The following GREB1L variants were observed in gnomAD, a reference collection of about 807,000 sequenced individuals.
The protein encoded by GREB1L is GREB1 like retinoic acid receptor coactivator.
A neutral mutation model predicts 200.8 loss-of-function variants in GREB1L; 17 were observed. The ratio of observed to expected loss-of-function variants is 0.08; its 90% CI spans 0.06 to 0.13. GREB1L has a LOEUF of 0.13. Ranked by LOEUF, GREB1L falls within the 10% of genes least tolerant of loss-of-function variation. The pLI is 1.00. For missense variants in GREB1L, 1,657 were observed against 2,367.7 expected, an observed-to-expected ratio of 0.70 and a Z score of 6.23; for synonymous variants, 789 against 893.0, an observed-to-expected ratio of 0.88 and a Z score of 2.08.
At chr18:21,424,777 T>TC (rs1216558438) in intron 7 of GREB1L, among the ~76,000 whole-genome samples, 1 of 152,180 alleles carries the variant, frequency 6.6e-6, no homozygotes, top group Non-Finnish European at 1.5e-5. Context: ...TTTTCATCAC[T>TC]CCAAGGAAAA....
chr18:21,493,631 C>G (rs2036426174), intron 19 of GREB1L, among the ~76,000 whole-genome samples: 1 of 152,058 alleles, frequency 6.6e-6, no homozygotes, highest in Non-Finnish European at 1.5e-5. Flanking sequence ...CTTTGGGAGA[C>G]TGAGGCGGGC....
chr18:21,404,347 G>A (rs2029920831), intron 7 of GREB1L, among the ~76,000 whole-genome samples: 1 of 152,166 alleles, frequency 6.6e-6, no homozygotes, highest in South Asian at 2.1e-4. Flanking sequence ...GGAGTTCCAG[G>A]GTAGGGCTCT....
intron 1 of GREB1L, among the ~76,000 whole-genome samples, chr18:21,268,550 CACACACACACATATATATATAT>C (rs1249541202): frequency 1.7e-4 from 17 of 99,172 alleles, no homozygotes; most frequent in Admixed American, 8.9e-4. Flanking sequence ...CACACACACA[CACACACACACATATATATATAT>C]ATATATATAT....
chr18:21,525,807 A>ACTT lies in GREB1L; in HGVS notation c.*2987_*2989dup, dbSNP rs1267788525. On this transcript the variant is annotated 3_prime_UTR_variant, in exon 33 of 33. Coordinates refer to ENST00000424526, the MANE Select transcript of GREB1L (RefSeq NM_001142966.3). The stretch of plus-strand genomic sequence containing the variant: ...ATTTTACCAACTTTTGAGAATAACA[A>ACTT]CTTTGTTGTCCCAGAAAAATGGCTT... Among the ~76,000 whole-genome samples the ACTT allele has an allele frequency of 3.9e-5, 6 of 152,192 alleles. No individual in the cohort carries two copies. The highest frequency in any genetic ancestry group is 1.4e-4 in the African/African-American group (6 of 41,454).
intron 7 of GREB1L, among the ~76,000 whole-genome samples, chr18:21,429,832 G>A (rs2032999436): frequency 6.6e-6 from 1 of 151,958 alleles, no homozygotes; most frequent in Admixed American, 6.6e-5. Context: ...CTAATTTGAT[G>A]GCTATATTAG....
At chr18:21,507,612 G>C (rs1280716423) in intron 25 of GREB1L, among the ~76,000 whole-genome samples, 1 of 152,220 alleles carries the variant, frequency 6.6e-6, no homozygotes, top group Non-Finnish European at 1.5e-5. Context: ...TGAAACCAGA[G>C]TTCTGGGCTA....
intron 30 of GREB1L, among the ~76,000 whole-genome samples, chr18:21,517,790 G>A (rs965964017): frequency 6.6e-6 from 1 of 152,058 alleles, no homozygotes; most frequent in African/African-American, 2.4e-5. Context: ...TGTTAAATGT[G>A]GTAACTTTCA....
chr18:21,424,835 C>G (rs576127857), intron 7 of GREB1L, among the ~76,000 whole-genome samples: 2 of 152,158 alleles, frequency 1.3e-5, no homozygotes, highest in Non-Finnish European at 2.9e-5. Context: ...CTTTCCTCAG[C>G]CCCTGGCAAC....
intron 17 of GREB1L, among the ~76,000 whole-genome samples, chr18:21,480,365 G>T (rs1335087815): frequency 2.6e-5 from 4 of 151,914 alleles, no homozygotes; most frequent in African/African-American, 9.7e-5. Context: ...ACAAAAAGAG[G>T]GGAGGGGCTT....
chr18:21,317,552 A>G (rs4800594), intron 1 of GREB1L: 30,077 of 151,666 alleles, frequency 0.2, 7,092 homozygotes, highest in African/African-American at 0.57. Flanking sequence ...GTAGTGAGCC[A>G]AGATTGCACC....
At chr18:21,505,700 A>C in intron 24 of GREB1L, 110 bp from the exon 25 acceptor site, 1 of 1,408,884 alleles carries the variant, frequency 7.1e-7, no homozygotes, top group Non-Finnish European at 9.6e-7. Flanking sequence ...CTTAGGGCAT[A>C]AATTACAGAA....
At chr18:21,283,007 A>G (rs1446340097) in intron 1 of GREB1L, among the ~76,000 whole-genome samples, 8 of 152,210 alleles carry the variant, frequency 5.3e-5, no homozygotes, top group Admixed American at 3.9e-4. Context: ...CAAAATTTCT[A>G]CTGCCAAAAA....
At position 21,441,509 on chromosome 18, in the gene GREB1L, C is replaced by T; in HGVS notation, c.1179C>T (p.Asn393=). The change falls in exon 10 of 33, where the codon AAC becomes AAT. Residue 393 remains asparagine, a synonymous_variant. Coordinates refer to ENST00000424526, the MANE Select transcript of GREB1L (RefSeq NM_001142966.3). ...TTGTTCCTGAAAACCTGCTGAGTAACTCAGGAGTTAGACCAGTAATTCTGA... is the reference window on the plus strand; with the variant it reads ...TTGTTCCTGAAAACCTGCTGAGTAATTCAGGAGTTAGACCAGTAATTCTGA... ...TVIVPENLLS[N]SGVRPVILIG... 2 of 1,551,516 alleles carry T rather than the reference C, an allele frequency of 1.3e-6. No homozygotes were observed. Among genetic ancestry groups the T allele is most frequent in the Non-Finnish European group, 1.7e-6 (2 of 1,146,746 alleles).
intron 15 of GREB1L, among the ~76,000 whole-genome samples, chr18:21,468,450 A>G (rs557896032): frequency 6.6e-6 from 1 of 152,294 alleles, no homozygotes; most frequent in African/African-American, 2.4e-5. Context: ...ATGTTTTAAA[A>G]TTGTGGTGAC....
chr18:21,372,794 G>C (rs1335677311), intron 2 of GREB1L, among the ~76,000 whole-genome samples: 1 of 152,102 alleles, frequency 6.6e-6, no homozygotes, highest in Non-Finnish European at 1.5e-5. Flanking sequence ...GATGGCGGGC[G>C]CCTGTAATCC....
At chr18:21,480,111 G>T (rs1400503500) in intron 17 of GREB1L, among the ~76,000 whole-genome samples, 1 of 152,314 alleles carries the variant, frequency 6.6e-6, no homozygotes, top group East Asian at 1.9e-4. Context: ...AGCACTCTGG[G>T]AGGCTGAGAT....
At chr18:21,388,706 C>T in intron 4 of GREB1L, among the ~76,000 whole-genome samples, 1 of 151,546 alleles carries the variant, frequency 6.6e-6, no homozygotes. Flanking sequence ...CACCACGCCC[C>T]GCTAATTTTT....
Position 21,449,734 on chromosome 18 carries a change from A to G in GREB1L, c.1618A>G (p.Arg540Gly), listed in dbSNP as rs1023136460. Residue 540 changes from arginine to glycine, a missense_variant, in exon 12 of 33, where the codon AGG (arginine) becomes GGG (glycine). Physicochemically the swap from Arg to Gly is moderately radical, Grantham distance 125. Around this residue, in one of 9 missense-constraint regions of GREB1L, gnomAD observed 239 missense variants for 421.8 expected, o/e 0.57. Transcript: ENST00000424526. ...SLAEGISETLRTLSEMRHYQR... is the reference protein window; with the variant it reads ...SLAEGISETLGTLSEMRHYQR... Reference sequence around the variant, plus strand: ...GGCGGAGGGCATTTCAGAGACCTTAAGGACTCTCAGTGAAATGAGACACTA... The same window carrying G: ...GGCGGAGGGCATTTCAGAGACCTTAGGGACTCTCAGTGAAATGAGACACTA... The G allele has an allele frequency of 1.3e-6, 2 of 1,551,508 alleles. No homozygotes were observed. The highest frequency in any genetic ancestry group is 1.7e-6 in the Non-Finnish European group (2 of 1,146,928).
At chr18:21,366,707 A>T (rs1443445760) in intron 2 of GREB1L, among the ~76,000 whole-genome samples, 1 of 146,322 alleles carries the variant, frequency 6.8e-6, no homozygotes, top group East Asian at 2.0e-4. Flanking sequence ...GTCTGTCAGA[A>T]GGGGCATATC....
Sources: allele counts gnomAD v4.1 joint callset (sites outside exome capture counted in the v4.1 genomes callset), GRCh38; gene constraint gnomAD v4.1.1; regional missense constraint gnomAD v4.1.1; transcripts MANE v1.5; gene names NCBI Gene and HGNC (gene_info 2026-07-23, HGNC 2026-07-21).